Variants in ANKMY2 observed in about 807,000 individuals in gnomAD.
ANKMY2 encodes the protein ankyrin repeat and MYND domain containing 2, also known as ankyrin repeat and MYND domain-containing protein 2.
Under a neutral mutation model 50.4 loss-of-function variants are expected in ANKMY2, and 36 were observed. That is an observed-to-expected ratio of 0.71 (90% CI 0.55 to 0.94). ANKMY2 has a LOEUF of 0.94. ANKMY2 is among the 40% of genes least tolerant of loss of function. The pLI, the probability that ANKMY2 is intolerant of heterozygous loss-of-function variation, is 0.00. For missense variants in ANKMY2, 565 were observed against 524.0 expected (o/e 1.08, Z -0.76); for synonymous variants, 187 against 178.8 (o/e 1.05, Z -0.36).
intron 2 of ANKMY2, among the ~76,000 whole-genome samples, chr7:16,635,852 A>G (rs1014316352): frequency 6.6e-6 from 1 of 152,230 alleles, no homozygotes; most frequent in Non-Finnish European, 1.5e-5. Flanking sequence ...ATGCTTGACA[A>G]GAAATAATAT....
chr7:16,639,500 C>A (rs1178240394), intron 1 of ANKMY2, among the ~76,000 whole-genome samples: 1 of 152,116 alleles, frequency 6.6e-6, no homozygotes, highest in Non-Finnish European at 1.5e-5. Context: ...GCATAACCTG[C>A]CTCATTAGGG....
chr7:16,628,513 G>C (rs952440645), intron 2 of ANKMY2, among the ~76,000 whole-genome samples: 1 of 142,572 alleles, frequency 7.0e-6, no homozygotes, highest in African/African-American at 2.5e-5. Context: ...AGTATGCTGG[G>C]AGTGGGTGGG....
chr7:16,611,810 G>T (rs1781258689), intron 5 of ANKMY2, among the ~76,000 whole-genome samples: 1 of 152,128 alleles, frequency 6.6e-6, no homozygotes. Flanking sequence ...CCACCATTGA[G>T]TGGTGTCTTC....
At chr7:16,613,797 G>A (rs1781295634) in intron 5 of ANKMY2, among the ~76,000 whole-genome samples, 2 of 151,758 alleles carry the variant, frequency 1.3e-5, no homozygotes, top group Admixed American at 1.3e-4. Flanking sequence ...TTAGCCAGGC[G>A]TGGTGGTGGG....
chr7:16,606,483 A>AC (rs1226248350), intron 7 of ANKMY2, among the ~76,000 whole-genome samples: 1 of 152,028 alleles, frequency 6.6e-6, no homozygotes, highest in East Asian at 1.9e-4. Flanking sequence ...CGATGCTACT[A>AC]AAACCTATTT....
chr7:16,604,129 G>T (rs1477688024), intron 8 of ANKMY2, among the ~76,000 whole-genome samples: 1 of 152,180 alleles, frequency 6.6e-6, no homozygotes, highest in Non-Finnish European at 1.5e-5. Flanking sequence ...AAGTCAACAG[G>T]CAGTTGATGC....
At chr7:16,625,988 T>C (rs1003119983) in intron 3 of ANKMY2, among the ~76,000 whole-genome samples, 31 of 147,790 alleles carry the variant, frequency 2.1e-4, no homozygotes, top group African/African-American at 6.7e-4. Context: ...TCTTTTTTTT[T>C]TTTTTTTTTT....
intron 2 of ANKMY2, among the ~76,000 whole-genome samples, chr7:16,628,700 G>C (rs1781539057): frequency 6.6e-6 from 1 of 152,084 alleles, no homozygotes; most frequent in South Asian, 2.1e-4. Context: ...GTAGGGGAAG[G>C]ACACAGGCCC....
chr7:16,637,821 T>TC (rs1169177237), intron 1 of ANKMY2, among the ~76,000 whole-genome samples: 1 of 152,220 alleles, frequency 6.6e-6, no homozygotes, highest in Admixed American at 6.5e-5. Flanking sequence ...AAAGTTATTT[T>TC]CTTTTTCTAT....
chr7:16,605,974 C>T (rs1156824769), intron 7 of ANKMY2, among the ~76,000 whole-genome samples: 2 of 151,978 alleles, frequency 1.3e-5, no homozygotes, highest in Non-Finnish European at 2.9e-5. Context: ...TGAGCCACCA[C>T]ACCTGGCCAA....
chr7:16,601,947 T>C (rs1781073998), intron 9 of ANKMY2, among the ~76,000 whole-genome samples: 1 of 152,366 alleles, frequency 6.6e-6, no homozygotes, highest in South Asian at 2.1e-4. Context: ...AAATATACTC[T>C]GTAATTTCAC....
rs115948911 is a variant in ANKMY2, at chr7:16,636,781, G to T, written c.68-326C>A. The stretch of plus-strand genomic sequence containing the variant: ...TTAATACTGAAAAAAAATCTTAAAG[G>T]GTATCTAATCCAAATCACCATCTGA... On this transcript the variant is annotated intron_variant, in intron 1 of 9. Coordinates refer to ENST00000306999, the MANE Select transcript of ANKMY2 (RefSeq NM_020319.3). Among the ~76,000 whole-genome samples the T allele has an allele frequency of 6.9e-3, 1,052 of 151,992 alleles. 12 individuals carry two copies. The highest frequency in any genetic ancestry group is 0.023 in the African/African-American group (951 of 41,452).
In ANKMY2 at chr7:16,600,744, G is replaced by A. The variant is rs910907766; in HGVS notation, c.*17C>T. ...TTGCAGGGTGAGGATCATCCACACT[G>A]GCACTTGCTCTGGCTTTTACTCCTC... On this transcript the variant is annotated 3_prime_UTR_variant, in exon 10 of 10. Coordinates refer to ENST00000306999, the MANE Select transcript of ANKMY2 (RefSeq NM_020319.3). 2 of 1,590,620 alleles carry A rather than the reference G, an allele frequency of 1.3e-6. No homozygotes were observed. The highest frequency in any genetic ancestry group is 2.7e-5 in the African/African-American group (2 of 74,298).
At chr7:16,608,820 G>A (rs1302620721) in intron 7 of ANKMY2, among the ~76,000 whole-genome samples, 2 of 152,076 alleles carry the variant, frequency 1.3e-5, no homozygotes, top group African/African-American at 4.8e-5. Context: ...GGTCAACATG[G>A]TGAAATCCCA....
At chr7:16,614,955 T>C (rs2046639510) in intron 5 of ANKMY2, among the ~76,000 whole-genome samples, 1 of 152,234 alleles carries the variant, frequency 6.6e-6, no homozygotes, top group Non-Finnish European at 1.5e-5. Context: ...CTTGTTTAGC[T>C]GGATTTTTTT....
intron 4 of ANKMY2, among the ~76,000 whole-genome samples, chr7:16,621,763 G>C (rs569556261): frequency 3.9e-5 from 6 of 152,176 alleles, no homozygotes; most frequent in East Asian, 3.9e-4. Flanking sequence ...AAGGTCAAGA[G>C]TTCGAGACCA....
At chr7:16,636,746 A>G (rs1781667587) in intron 1 of ANKMY2, among the ~76,000 whole-genome samples, 1 of 152,126 alleles carries the variant, frequency 6.6e-6, no homozygotes, top group East Asian at 1.9e-4. Flanking sequence ...ATAACCACAA[A>G]GCATAAGACT....
intron 2 of ANKMY2, among the ~76,000 whole-genome samples, chr7:16,628,908 T>TAAACAAAACAAAACAAAACAAAACA (rs59359472): frequency 7.8e-6 from 1 of 127,926 alleles, no homozygotes; most frequent in African/African-American, 2.6e-5. Flanking sequence ...GCCTCTAGTT[T>TAAACAAAACAAAACAAAACAAAACA]AAACAAAACA....
At chr7:16,643,014 A>G (rs768640058) in intron 1 of ANKMY2, among the ~76,000 whole-genome samples, 12 of 152,190 alleles carry the variant, frequency 7.9e-5, no homozygotes, top group Non-Finnish European at 1.6e-4. Context: ...CCAGTTCCTC[A>G]GTTGCCTTGC....
Sources: allele counts gnomAD v4.1 joint callset (sites outside exome capture counted in the v4.1 genomes callset), GRCh38; gene constraint gnomAD v4.1.1; transcripts MANE v1.5; gene names NCBI Gene and HGNC (gene_info 2026-07-23, HGNC 2026-07-21).